STX16: variants seen among roughly 807,000 people sequenced by gnomAD.
STX16 encodes syntaxin 16.
STX16 carries 28 observed loss-of-function variants against 42.7 expected under a neutral mutation model. That is an observed-to-expected ratio of 0.66 (90% CI 0.49 to 0.90). STX16 has a LOEUF of 0.90. Ranked by LOEUF, STX16 falls within the 40% of genes least tolerant of loss-of-function variation. The pLI is 0.00. For synonymous variants in STX16, 156 were observed against 155.2 expected (o/e 1.00, Z -0.04); for missense variants, 361 against 420.9 (o/e 0.86, Z 1.24).
chr20:58,676,130 G>T, intron 8 of STX16, 57 bp from the exon 9 acceptor site: 2 of 1,445,232 alleles, frequency 1.4e-6, no homozygotes, highest in Non-Finnish European at 9.7e-7. Context: ...AAACGAGTGG[G>T]ACTTGATTTG....
In STX16 at chr20:58,673,308, T is replaced by C. The variant is rs142206332; in HGVS notation, c.793-323T>C. ...GCTTCTGTGCTGCTCAGAGCCTCTGTCCACTGGACCATAGATTTCTTAGGG... is the reference window on the plus strand; with the variant it reads ...GCTTCTGTGCTGCTCAGAGCCTCTGCCCACTGGACCATAGATTTCTTAGGG... On this transcript the variant is annotated intron_variant, in intron 7 of 8. Coordinates refer to ENST00000371141, the MANE Select transcript of STX16 (RefSeq NM_001001433.3). 3.7e-3 allele frequency among the ~76,000 whole-genome samples: 569 copies of C among 152,260 alleles called. 4 individuals carry two copies. The highest frequency in any genetic ancestry group is 0.013 in the African/African-American group (552 of 41,556).
At chr20:58,669,551 C>G in intron 5 of STX16, 98 bp downstream of exon 5, 1 of 1,373,150 alleles carries the variant, frequency 7.3e-7, no homozygotes. Flanking sequence ...CAGTACCTTT[C>G]ATTGTTAGCT....
At chr20:58,671,437 G>GGT (rs540390363) in intron 7 of STX16, 140 bp downstream of exon 7, 11,324 of 222,684 alleles carry the variant, frequency 0.051, 119 homozygotes, top group Admixed American at 0.082. Flanking sequence ...TGTGTGTGTG[G>GGT]GTGTGTGTGT....
At chr20:58,669,643 G>T (rs2083924376) in intron 5 of STX16, among the ~76,000 whole-genome samples, 190 bp downstream of exon 5, 1 of 152,184 alleles carries the variant, frequency 6.6e-6, no homozygotes, top group Admixed American at 6.5e-5. Flanking sequence ...GGCACAGCGT[G>T]GGGTACCGAC....
chr20:58,672,423 C>A (rs946092166), intron 7 of STX16, among the ~76,000 whole-genome samples: 3 of 128,508 alleles, frequency 2.3e-5, no homozygotes, highest in Non-Finnish European at 3.4e-5. Context: ...GTATAAGAAA[C>A]ATTAATGAAT....
In STX16 at chr20:58,679,430, C is replaced by CT. The variant is rs1314819548; in HGVS notation, c.*3145dup. Reference sequence around the variant, plus strand: ...TTCTATCCAAAATGACTTTTTTGTCCTTTTTTAAAACCAATTTACTGTTAC... The same window carrying CT: ...TTCTATCCAAAATGACTTTTTTGTCCTTTTTTTAAAACCAATTTACTGTTAC... On this transcript the variant is annotated 3_prime_UTR_variant, in exon 9 of 9. Transcript: ENST00000371141. 1.3e-5 allele frequency: 2 copies of CT among 152,466 alleles called. No individual in the cohort carries two copies. Among genetic ancestry groups the CT allele is most frequent in the African/African-American group, 2.4e-5 (1 of 41,394 alleles). 9.4% of individuals were successfully genotyped at this position (152,466 alleles called of 1,614,324 possible).
rs1171701303 is a variant in STX16, at chr20:58,672,247, G to A, written c.792+950G>A. On this transcript the variant is annotated intron_variant, in intron 7 of 8. Transcript: ENST00000371141. ...CTCGGGAGGTTGAGGCAGGAGGATC[G>A]CTTGAACCTGGGAGGTAGAGGTTGC... Among the ~76,000 whole-genome samples the A allele has an allele frequency of 3.3e-5, 5 of 152,048 alleles. No homozygotes were observed. The East Asian group carries it at 7.7e-4, about 23-fold the overall frequency.
chr20:58,655,411 G>A (rs535999492), intron 1 of STX16, among the ~76,000 whole-genome samples: 22 of 152,300 alleles, frequency 1.4e-4, no homozygotes, highest in Admixed American at 4.6e-4. Flanking sequence ...GTCCCTGTGC[G>A]TGCATACAGG....
Position 58,666,485 on chromosome 20 carries a change from A to G in STX16, c.145-1005A>G, listed in dbSNP as rs550930748. Among the ~76,000 whole-genome samples the G allele has an allele frequency of 8.4e-5, 12 of 143,482 alleles. No individual in the cohort carries two copies. The East Asian group carries it at 2.3e-3, about 27-fold the overall frequency. The allele number at this position is 143,482 out of a possible 152,430, so 94.1% of individuals were successfully genotyped here. On this transcript the variant is annotated intron_variant, in intron 2 of 8. Transcript: ENST00000371141. ...CTCTTGTTGCCCTGGCTGGAGTGCAATGGTACGATCATGGCTCACTGCGAC... is the reference window on the plus strand; with the variant it reads ...CTCTTGTTGCCCTGGCTGGAGTGCAGTGGTACGATCATGGCTCACTGCGAC...
intron 2 of STX16, among the ~76,000 whole-genome samples, chr20:58,661,082 G>A (rs2083688065): frequency 6.6e-6 from 1 of 152,176 alleles, no homozygotes; most frequent in Non-Finnish European, 1.5e-5. Context: ...TTGGGGGCTT[G>A]GAGAGCAGGC....
At chr20:58,661,535 G>C (rs1164194056) in intron 2 of STX16, among the ~76,000 whole-genome samples, 1 of 152,242 alleles carries the variant, frequency 6.6e-6, no homozygotes, top group Admixed American at 6.5e-5. Flanking sequence ...TCATTTCCTT[G>C]TGCGTTTCAC....
chr20:58,651,790 G>T lies in STX16; in HGVS notation c.-217G>T, dbSNP rs1248226397. ...GAGATCGAAGTCTGCCCTGGGTAGG[G>T]GGAGTCAGACAATTGGAAAGCCTAG... On this transcript the variant is annotated 5_prime_UTR_variant, in exon 1 of 9. Coordinates refer to ENST00000371141, the MANE Select transcript of STX16 (RefSeq NM_001001433.3). 3.7e-6 allele frequency: 2 copies of T among 537,338 alleles called. No individual in the cohort carries two copies. The highest frequency in any genetic ancestry group is 3.2e-5 in the East Asian group (1 of 31,146). The allele number at this position is 537,338 out of a possible 1,614,324, so 33.3% of individuals were successfully genotyped here. A position where few individuals can be genotyped will look rare whatever the true frequency, so the allele number is the denominator to read the frequency against.
chr20:58,675,013 G>A (rs1184465652), intron 8 of STX16, among the ~76,000 whole-genome samples: 3 of 152,102 alleles, frequency 2.0e-5, no homozygotes, highest in Admixed American at 1.3e-4. Context: ...ATTTAGTATT[G>A]GCTTCCCTGG....
chr20:58,652,270 T>G, intron 1 of STX16, 132 bp downstream of exon 1: 1 of 1,343,676 alleles, frequency 7.4e-7, no homozygotes, highest in East Asian at 2.6e-5. Flanking sequence ...ATAAGATCTC[T>G]TGGCTAGAGT....
intron 2 of STX16, among the ~76,000 whole-genome samples, chr20:58,660,448 T>G (rs2083672353): frequency 1.3e-5 from 2 of 152,208 alleles, no homozygotes; most frequent in Non-Finnish European, 2.9e-5. Context: ...TCACTGTCCT[T>G]AAAACCAGTG....
chr20:58,668,125 C>T lies in STX16; in HGVS notation c.391C>T (p.Gln131Ter). 3 of 1,614,204 alleles carry T rather than the reference C, an allele frequency of 1.9e-6. No homozygotes were observed. The highest frequency in any genetic ancestry group is 1.7e-5 in the Admixed American group (1 of 60,018). Residue 131 changes from glutamine to a stop codon, truncating the protein, a stop_gained and splice_region_variant, in exon 4 of 9, where the codon CAG (glutamine) becomes TAG (stop). Transcript: ENST00000371141. LOFTEE classifies it high-confidence loss of function. The part of the protein sequence containing the change: ...AIEITTQEIT[Q>*]LFHRCQRAVQ... ...TGAGATAACTACCCAAGAGATCACTCAGGTGAGGAGTGCAAGTGAGTCCTG... is the reference window on the plus strand; with the variant it reads ...TGAGATAACTACCCAAGAGATCACTTAGGTGAGGAGTGCAAGTGAGTCCTG...
Position 58,652,237 on chromosome 20 carries a change from T to G in STX16, c.132+99T>G, listed in dbSNP as rs1000830776. On this transcript the variant is annotated intron_variant, in intron 1 of 8. Transcript: ENST00000371141. The stretch of plus-strand genomic sequence containing the variant: ...TGTCTCTCTGTTTAAAAAGAGAAGA[T>G]AAGAATAATAAGACTAAGAATAATA... 21 of 1,473,728 alleles carry G rather than the reference T, an allele frequency of 1.4e-5. No homozygotes were observed. The Admixed American group carries it at 2.0e-4, about 14-fold the overall frequency. 91.3% of individuals were successfully genotyped at this position (1,473,728 alleles called of 1,614,324 possible). A position where few individuals can be genotyped will look rare whatever the true frequency, so the allele number is the denominator to read the frequency against.
chr20:58,670,622 A>C lies in STX16; in HGVS notation c.648+19A>C, dbSNP rs753675930. The C allele has an allele frequency of 6.2e-7, 1 of 1,602,648 alleles. No individual in the cohort carries two copies. The highest frequency in any genetic ancestry group is 8.5e-7 in the Non-Finnish European group (1 of 1,169,610). On this transcript the variant is annotated intron_variant, in intron 6 of 8. Transcript: ENST00000371141. ...CCATCGGGTACGTGAACGGGCTGCA[A>C]AGCTGATTGCTGTGTCTGTGCACCC...
chr20:58,655,212 T>C (rs1435864011), intron 1 of STX16, among the ~76,000 whole-genome samples: 1 of 152,214 alleles, frequency 6.6e-6, no homozygotes, highest in Non-Finnish European at 1.5e-5. Context: ...AAAAAAATTG[T>C]AATCCTGAAT....
Sources: allele counts gnomAD v4.1 joint callset (sites outside exome capture counted in the v4.1 genomes callset), GRCh38; gene constraint gnomAD v4.1.1; transcripts MANE v1.5; gene names NCBI Gene and HGNC (gene_info 2026-07-23, HGNC 2026-07-21).